SYNPO2: variants seen among roughly 807,000 people sequenced by gnomAD.
SYNPO2 encodes synaptopodin 2, also known as synaptopodin-2.
In SYNPO2, 56 loss-of-function variants were observed where a neutral mutation model predicts 85.0. The observed-to-expected ratio is 0.66, with a 90% CI of 0.53 to 0.82. SYNPO2 has a LOEUF of 0.82. Among genes scored for constraint, SYNPO2 ranks in the 40% least tolerant of loss-of-function variants. SYNPO2 has a pLI of 0.00. For synonymous variants in SYNPO2, 602 were observed against 591.1 expected, an observed-to-expected ratio of 1.02 and a Z score of -0.27; for missense variants, 1,575 against 1,534.2, an observed-to-expected ratio of 1.03 and a Z score of -0.44.
At chr4:118,864,192 T>C (rs1459198412) in intron 1 of SYNPO2, among the ~76,000 whole-genome samples, 1 of 152,224 alleles carries the variant, frequency 6.6e-6, no homozygotes, top group Non-Finnish European at 1.5e-5. Context: ...TAAATTTCTT[T>C]CTTAGTTTCT....
In SYNPO2 at chr4:118,952,377, A is replaced by C. The variant is rs181457899; in HGVS notation, c.105+63236A>C. ...ATATCTAAGAGTAAACTTTTTTTAA[A>C]ATTTTATTTTATTATTATTATACTT... On this transcript the variant is annotated intron_variant, in intron 1 of 4. Transcript: ENST00000307142. 2.3e-4 allele frequency among the ~76,000 whole-genome samples: 35 copies of C among 151,838 alleles called. No homozygotes were observed. The East Asian group carries it at 6.6e-3, about 28-fold the overall frequency.
upstream of SYNPO2, among the ~76,000 whole-genome samples, chr4:118,885,917 T>C (rs753253387): frequency 1.3e-5 from 2 of 152,226 alleles, no homozygotes; most frequent in African/African-American, 2.4e-5. Flanking sequence ...GTTCAAACCC[T>C]GGCTCTATCG....
chr4:119,048,762 G>A (rs1287334319), intron 4 of SYNPO2, among the ~76,000 whole-genome samples: 1 of 152,188 alleles, frequency 6.6e-6, no homozygotes, highest in African/African-American at 2.4e-5. Context: ...TGTGGCTGGA[G>A]GAAAGGGAGA....
At chr4:118,868,914 G>A (rs1433543532) in intron 1 of SYNPO2, among the ~76,000 whole-genome samples, 1 of 152,192 alleles carries the variant, frequency 6.6e-6, no homozygotes, top group African/African-American at 2.4e-5. Context: ...AGGGGCTTAA[G>A]AGTCTGGCTT....
intron 1 of SYNPO2, among the ~76,000 whole-genome samples, chr4:118,895,166 G>T (rs1000883410): frequency 6.6e-6 from 1 of 152,062 alleles, no homozygotes; most frequent in East Asian, 1.9e-4. Flanking sequence ...GGTGGCTTTT[G>T]GTTATTAAAA....
chr4:119,042,210 A>G (rs1321028393), intron 4 of SYNPO2: 2 of 152,170 alleles, frequency 1.3e-5, no homozygotes, highest in African/African-American at 2.4e-5. Context: ...TCGTTGCATT[A>G]CAATTTGCTT....
At chr4:118,927,726 A>AGATG (rs1299271453) in intron 1 of SYNPO2, among the ~76,000 whole-genome samples, 4 of 151,220 alleles carry the variant, frequency 2.6e-5, no homozygotes, top group Non-Finnish European at 4.4e-5. Context: ...ATAGATAGAT[A>AGATG]GATAGATAGA....
chr4:118,976,857 A>G (rs1364854589), intron 1 of SYNPO2, among the ~76,000 whole-genome samples: 2 of 152,220 alleles, frequency 1.3e-5, no homozygotes, highest in South Asian at 2.1e-4. Context: ...AGCTAGATAC[A>G]GAGTGTCGAT....
chr4:118,982,487 G>A (rs1033893002), intron 1 of SYNPO2, among the ~76,000 whole-genome samples: 2 of 152,134 alleles, frequency 1.3e-5, no homozygotes, highest in Non-Finnish European at 2.9e-5. Context: ...CCAGATGAAT[G>A]AGAGAAAATA....
At chr4:118,986,707 C>G (rs773443643) in intron 1 of SYNPO2, among the ~76,000 whole-genome samples, 1 of 152,118 alleles carries the variant, frequency 6.6e-6, no homozygotes, top group African/African-American at 2.4e-5. Flanking sequence ...GAGCATAGAC[C>G]TTTTCTGAGA....
At chr4:118,861,990 A>AT (rs1731619995) in intron 1 of SYNPO2, among the ~76,000 whole-genome samples, 1 of 151,906 alleles carries the variant, frequency 6.6e-6, no homozygotes, top group Non-Finnish European at 1.5e-5. Context: ...ATATCTTTCC[A>AT]TTTTTTTGGT....
chr4:118,870,531 A>G (rs1026754726), intron 1 of SYNPO2, among the ~76,000 whole-genome samples: 13 of 152,150 alleles, frequency 8.5e-5, no homozygotes, highest in Non-Finnish European at 1.6e-4. Context: ...AGAATGATTT[A>G]TATTCCTTTG....
rs1362784753 is a variant in SYNPO2, at chr4:118,900,693, CTCTCTCTCTCTA to C, written c.105+11554_105+11565del. On this transcript the variant is annotated intron_variant, in intron 1 of 4. Transcript: ENST00000307142. ...TCTCTCTCTCTCTCTCTCTCTCTCT[CTCTCTCTCTCTA>C]TATATATATATATATATATATATAT... 7.9e-3 allele frequency among the ~76,000 whole-genome samples: 393 copies of C among 49,558 alleles called. 1 individual carries two copies. Among genetic ancestry groups the C allele is most frequent in the African/African-American group, 0.014 (229 of 15,906 alleles). The allele number at this position is 49,558 out of a possible 152,430, so 32.5% of individuals were successfully genotyped here.
In SYNPO2 at chr4:119,057,872, T is replaced by G; in HGVS notation, c.3724T>G (p.Cys1242Gly). The G allele has an allele frequency of 1.2e-6, 2 of 1,614,110 alleles. No homozygotes were observed. The highest frequency in any genetic ancestry group is 1.7e-6 in the Non-Finnish European group (2 of 1,180,004). ...GTCCATGGAAACCAGGTCTGATTAC[T>G]GTCTTCCAGTAGCTGATTACAACTA... The part of the protein sequence containing the change: ...IMSMETRSDY[C>G]LPVADYNYNP... Residue 1242 changes from cysteine (C) to glycine (G), a missense_variant, in exon 5 of 5, where the codon TGT becomes GGT. By Grantham distance (159) the Cys-to-Gly change is radical (BLOSUM62 -3). Around this residue, in one of 3 missense-constraint regions of SYNPO2, gnomAD observed 1,508 missense variants for 1,446.8 expected, o/e 1.04. Transcript: ENST00000307142.
chr4:118,886,578 T>C (rs1450936108), upstream of SYNPO2, among the ~76,000 whole-genome samples: 2 of 152,226 alleles, frequency 1.3e-5, no homozygotes, highest in African/African-American at 2.4e-5. Context: ...GCAAAGGACA[T>C]TAACACATTC....
At chr4:118,900,699 CTCTCTATATATATATATA>C (rs1170044631) in intron 1 of SYNPO2, among the ~76,000 whole-genome samples, 4 of 29,438 alleles carry the variant, frequency 1.4e-4, no homozygotes, top group Non-Finnish European at 2.5e-4. Context: ...CTCTCTCTCT[CTCTCTATATATATATATA>C]TATATATATA....
intron 2 of SYNPO2, among the ~76,000 whole-genome samples, 174 bp downstream of exon 2, chr4:119,023,755 A>G (rs533828045): frequency 6.6e-6 from 1 of 152,316 alleles, no homozygotes; most frequent in Non-Finnish European, 1.5e-5. Context: ...ATTCTAGTCA[A>G]CCAAACTTTC....
intron 1 of SYNPO2, among the ~76,000 whole-genome samples, chr4:118,894,789 A>G (rs2892830): frequency 0.49 from 74,032 of 151,540 alleles, 18,244 homozygotes; most frequent in African/African-American, 0.53. Flanking sequence ...CTATACATCT[A>G]CCTAATAGCA....
intron 1 of SYNPO2, among the ~76,000 whole-genome samples, chr4:118,862,329 T>C (rs968735366): frequency 1.3e-5 from 2 of 152,184 alleles, no homozygotes; most frequent in East Asian, 1.9e-4. Context: ...ATTTCTCTTG[T>C]CTGATTGCTC....
Sources: allele counts gnomAD v4.1 joint callset (sites outside exome capture counted in the v4.1 genomes callset), GRCh38; gene constraint gnomAD v4.1.1; regional missense constraint gnomAD v4.1.1; transcripts MANE v1.5; gene names NCBI Gene and HGNC (gene_info 2026-07-23, HGNC 2026-07-21).